SERPINI1: variants seen among roughly 807,000 people sequenced by gnomAD.
SERPINI1 encodes neuroserpin.
In SERPINI1, 19 loss-of-function variants were observed where a neutral mutation model predicts 41.1. That is an observed-to-expected ratio of 0.46 (90% CI 0.32 to 0.68). The LOEUF (loss-of-function observed/expected upper bound fraction) is 0.68. Ranked by LOEUF, SERPINI1 falls within the 30% of genes least tolerant of loss-of-function variation. The pLI, the probability that SERPINI1 is intolerant of heterozygous loss-of-function variation, is 0.03. For synonymous variants in SERPINI1, 138 were observed against 156.6 expected, an observed-to-expected ratio of 0.88 and a Z score of 0.89; for missense variants, 460 against 479.2, an observed-to-expected ratio of 0.96 and a Z score of 0.37.
At position 167,781,859 on chromosome 3, in the gene SERPINI1, A is replaced by C. The variant is rs549570850; in HGVS notation, c.-18-7252A>C. ...TTAAAAAACACTATCTTTTTTTATA[A>C]TGCGGACTTTCAGTTTTGTGATTCA... On this transcript the variant is annotated intron_variant, in intron 1 of 8. Coordinates refer to ENST00000446050, the MANE Select transcript of SERPINI1 (RefSeq NM_001122752.2). 2.6e-5 allele frequency among the ~76,000 whole-genome samples: 4 copies of C among 152,136 alleles called. No individual in the cohort carries two copies. The South Asian group carries it at 8.3e-4, about 32-fold the overall frequency.
intron 5 of SERPINI1, among the ~76,000 whole-genome samples, chr3:167,805,389 G>A (rs1711592089): frequency 6.6e-6 from 1 of 151,948 alleles, no homozygotes; most frequent in African/African-American, 2.4e-5. Context: ...TTTTTGATGA[G>A]GTTGTTTTTT....
intron 5 of SERPINI1, among the ~76,000 whole-genome samples, chr3:167,802,261 C>A (rs947891978): frequency 2.4e-4 from 37 of 151,992 alleles, no homozygotes; most frequent in Middle Eastern, 6.8e-3. Flanking sequence ...GCAACAAAAG[C>A]CAAAATTGAC....
intron 1 of SERPINI1, among the ~76,000 whole-genome samples, chr3:167,749,508 C>T (rs1725975286): frequency 6.6e-6 from 1 of 152,160 alleles, no homozygotes; most frequent in African/African-American, 2.4e-5. Context: ...AAACCATAAA[C>T]CCAGTCTCAC....
intron 6 of SERPINI1, among the ~76,000 whole-genome samples, chr3:167,808,106 G>A (rs1711720067): frequency 7.3e-6 from 1 of 137,568 alleles, no homozygotes; most frequent in Non-Finnish European, 1.6e-5. Context: ...CAACAACAGC[G>A]AAACTCTGTC....
At chr3:167,752,736 C>G (rs1050835187) in intron 1 of SERPINI1, among the ~76,000 whole-genome samples, 1 of 152,030 alleles carries the variant, frequency 6.6e-6, no homozygotes, top group Non-Finnish European at 1.5e-5. Flanking sequence ...ACCTCATAAG[C>G]CAGCCTCTTC....
chr3:167,810,056 C>T (rs1486730097), intron 6 of SERPINI1, among the ~76,000 whole-genome samples: 1 of 152,128 alleles, frequency 6.6e-6, no homozygotes, highest in African/African-American at 2.4e-5. Context: ...TTCCCCATGC[C>T]ATGCACACAC....
chr3:167,769,043 G>A (rs1042097471), intron 1 of SERPINI1, among the ~76,000 whole-genome samples: 1 of 152,080 alleles, frequency 6.6e-6, no homozygotes, highest in African/African-American at 2.4e-5. Context: ...CACCAGGCTG[G>A]AGTGCAGTGG....
chr3:167,751,301 A>G (rs1182176801), intron 1 of SERPINI1, among the ~76,000 whole-genome samples: 2 of 152,218 alleles, frequency 1.3e-5, no homozygotes, highest in African/African-American at 2.4e-5. Flanking sequence ...AGTTTGTCAG[A>G]ACTTTCAATC....
chr3:167,753,615 T>C (rs1726111171), intron 1 of SERPINI1, among the ~76,000 whole-genome samples: 1 of 152,112 alleles, frequency 6.6e-6, no homozygotes, highest in Non-Finnish European at 1.5e-5. Context: ...CCCTGTGGCC[T>C]TTTTTCAAAC....
intron 1 of SERPINI1, among the ~76,000 whole-genome samples, chr3:167,747,124 G>C (rs186370480): frequency 3.0e-4 from 46 of 152,298 alleles, no homozygotes; most frequent in African/African-American, 1.1e-3. Context: ...CTACAGCATG[G>C]ATGGCCCTTG....
Position 167,807,415 on chromosome 3 carries a change from A to G in SERPINI1, c.979+74A>G, listed in dbSNP as rs533919920. On this transcript the variant is annotated intron_variant, in intron 6 of 8. Coordinates refer to ENST00000446050, the MANE Select transcript of SERPINI1 (RefSeq NM_001122752.2). ...ATTAAATGATGATATTAAATCCTCT[A>G]TTTACTATGGAGTTCTGGGGTAAAA... 1.2e-5 allele frequency: 12 copies of G among 990,028 alleles called. No individual in the cohort carries two copies. The East Asian group carries it at 2.7e-4, about 22-fold the overall frequency. The allele number at this position is 990,028 out of a possible 1,614,324, so 61.3% of individuals were successfully genotyped here.
chr3:167,746,945 G>A (rs1725878670), intron 1 of SERPINI1, among the ~76,000 whole-genome samples: 1 of 152,096 alleles, frequency 6.6e-6, no homozygotes, highest in Admixed American at 6.5e-5. Flanking sequence ...GCCGAAAAGA[G>A]TTGAAAAAAT....
chr3:167,765,166 A>G (rs1726518750), intron 1 of SERPINI1, among the ~76,000 whole-genome samples: 1 of 151,944 alleles, frequency 6.6e-6, no homozygotes, highest in African/African-American at 2.4e-5. Flanking sequence ...TCCAGTAGGG[A>G]CTCTGTGTGG....
chr3:167,765,406 G>C (rs1726529538), intron 1 of SERPINI1, among the ~76,000 whole-genome samples: 1 of 152,236 alleles, frequency 6.6e-6, no homozygotes, highest in Admixed American at 6.5e-5. Flanking sequence ...CACAGCCCAA[G>C]CTCTACATTG....
intron 1 of SERPINI1, among the ~76,000 whole-genome samples, chr3:167,779,677 C>T (rs560204473): frequency 1.1e-4 from 16 of 152,206 alleles, no homozygotes; most frequent in African/African-American, 2.6e-4. Flanking sequence ...TTTTTTCTTC[C>T]GGTAAATTAA....
intron 6 of SERPINI1, 82 bp downstream of exon 6, chr3:167,807,423 T>C: frequency 1.1e-6 from 1 of 928,446 alleles, no homozygotes; most frequent in East Asian, 2.5e-5. Context: ...CTATTTACTA[T>C]GGAGTTCTGG....
chr3:167,744,689 AAC>A (rs1725796550), intron 1 of SERPINI1, among the ~76,000 whole-genome samples: 1 of 80,442 alleles, frequency 1.2e-5, no homozygotes, highest in Admixed American at 1.1e-4. Flanking sequence ...TATATATATA[AAC>A]ATATATAAAT....
rs147138284 is a variant in SERPINI1 at position 167,815,448 on chromosome 3, G to T, written c.980-7538G>T. Among the ~76,000 whole-genome samples the T allele has an allele frequency of 2.3e-3, 351 of 151,442 alleles. 12 individuals carry two copies. The East Asian group carries it at 0.061, about 26-fold the overall frequency. ...TCTGTCACTCAGGCTGGAGTGCAGT[G>T]GCACAATCTTGGCTCACTGCAACCT... On this transcript the variant is annotated intron_variant, in intron 6 of 8. Coordinates refer to ENST00000446050, the MANE Select transcript of SERPINI1 (RefSeq NM_001122752.2).
At chr3:167,766,702 A>C (rs535701616) in intron 1 of SERPINI1, among the ~76,000 whole-genome samples, 1 of 152,358 alleles carries the variant, frequency 6.6e-6, no homozygotes, top group Non-Finnish European at 1.5e-5. Context: ...AAACAGGCCT[A>C]TTGCTGATAT....
Sources: allele counts gnomAD v4.1 joint callset (sites outside exome capture counted in the v4.1 genomes callset), GRCh38; gene constraint gnomAD v4.1.1; transcripts MANE v1.5; gene names NCBI Gene and HGNC (gene_info 2026-07-23, HGNC 2026-07-21).